NRXN3: variants seen among roughly 807,000 people sequenced by gnomAD.
The protein encoded by NRXN3 is neurexin III.
Under a neutral mutation model 137.6 loss-of-function variants are expected in NRXN3, and 32 were observed. That is an observed-to-expected ratio of 0.23 (90% CI 0.18 to 0.31). NRXN3 has a LOEUF of 0.31. Among genes scored for constraint, NRXN3 ranks in the 10% least tolerant of loss-of-function variants. The probability of loss-of-function intolerance (pLI) is 1.00; values close to 1 mark genes in which losing one functional copy is unlikely to be tolerated. For synonymous variants in NRXN3, 798 were observed against 784.5 expected (o/e 1.02, Z -0.29); for missense variants, 1,574 against 2,062.5 (o/e 0.76, Z 4.59).
At chr14:79,609,969 G>A (rs1305567744) in intron 16 of NRXN3, among the ~76,000 whole-genome samples, 1 of 151,908 alleles carries the variant, frequency 6.6e-6, no homozygotes, top group Non-Finnish European at 1.5e-5. Flanking sequence ...GTTGGGGGAG[G>A]GATAGCATTA....
intron 20 of NRXN3, among the ~76,000 whole-genome samples, chr14:79,849,069 A>G (rs1298833318): frequency 6.6e-6 from 1 of 152,160 alleles, no homozygotes; most frequent in African/African-American, 2.4e-5. Flanking sequence ...CCAGTCAAGA[A>G]GTCCTGTTGA....
chr14:79,204,747 C>T (rs1375942872), intron 15 of NRXN3, among the ~76,000 whole-genome samples: 37 of 152,172 alleles, frequency 2.4e-4, no homozygotes, highest in Admixed American at 2.4e-3. Context: ...CTCCTGATTG[C>T]TTCCCCTGGC....
At position 79,432,939 on chromosome 14, in the gene NRXN3, A is replaced by T. The variant is rs371701926; in HGVS notation, c.3263-34282A>T. Among the ~76,000 whole-genome samples the T allele has an allele frequency of 1.1e-4, 16 of 152,264 alleles. 1 individual carries two copies. The South Asian group carries it at 3.1e-3, about 30-fold the overall frequency. Reference sequence around the variant, plus strand: ...CTGAGGGTGAGGGGACTGTCAGAAGATGTGTGTCTTGGGTGCCTGAATAAT... The same window carrying T: ...CTGAGGGTGAGGGGACTGTCAGAAGTTGTGTGTCTTGGGTGCCTGAATAAT... On this transcript the variant is annotated intron_variant, in intron 15 of 20. Coordinates refer to ENST00000335750, the MANE Select transcript of NRXN3 (RefSeq NM_001330195.2).
At chr14:79,610,014 G>A (rs1456301860) in intron 16 of NRXN3, among the ~76,000 whole-genome samples, 1 of 152,032 alleles carries the variant, frequency 6.6e-6, no homozygotes. Flanking sequence ...GGGTTGATGG[G>A]TGCAGCAAAC....
At chr14:78,379,221 T>G (rs1406080608) in intron 4 of NRXN3, among the ~76,000 whole-genome samples, 1 of 152,156 alleles carries the variant, frequency 6.6e-6, no homozygotes, top group Non-Finnish European at 1.5e-5. Flanking sequence ...TATAAGCTCT[T>G]CTAGAAAATA....
At chr14:79,339,675 A>G (rs2092485779) in intron 15 of NRXN3, among the ~76,000 whole-genome samples, 1 of 152,182 alleles carries the variant, frequency 6.6e-6, no homozygotes, top group African/African-American at 2.4e-5. Context: ...AGTTTGAGGA[A>G]CACTGATCTA....
chr14:78,771,139 A>G (rs909077705), intron 8 of NRXN3, among the ~76,000 whole-genome samples: 11 of 152,336 alleles, frequency 7.2e-5, no homozygotes, highest in African/African-American at 2.6e-4. Context: ...GGCACCGCTG[A>G]GCAAGACCAG....
At chr14:79,133,499 ACT>A (rs2057833537) in intron 15 of NRXN3, among the ~76,000 whole-genome samples, 1 of 152,014 alleles carries the variant, frequency 6.6e-6, no homozygotes, top group African/African-American at 2.4e-5. Context: ...TTTCTGCTTA[ACT>A]CTCATTACTA....
At chr14:79,194,201 G>T (rs2064822726) in intron 15 of NRXN3, among the ~76,000 whole-genome samples, 1 of 152,104 alleles carries the variant, frequency 6.6e-6, no homozygotes, top group Admixed American at 6.6e-5. Context: ...ATTTTCCCAG[G>T]ATTCCTCTCA....
intron 10 of NRXN3, among the ~76,000 whole-genome samples, chr14:78,908,956 ATTCATCTTG>A (rs1252523270): frequency 6.6e-6 from 1 of 152,164 alleles, no homozygotes; most frequent in African/African-American, 2.4e-5. Context: ...TGAAGAAAAC[ATTCATCTTG>A]TTCATTTCCT....
intron 8 of NRXN3, among the ~76,000 whole-genome samples, chr14:78,772,112 C>G (rs1364507801): frequency 1.3e-5 from 2 of 152,150 alleles, no homozygotes; most frequent in Non-Finnish European, 2.9e-5. Context: ...CTTGTGGCAT[C>G]ATGTCAGTGC....
chr14:78,972,160 T>C (rs1371099992), intron 14 of NRXN3, among the ~76,000 whole-genome samples: 1 of 152,180 alleles, frequency 6.6e-6, no homozygotes, highest in Non-Finnish European at 1.5e-5. Context: ...TGTATCTTCC[T>C]ATATTGAGGC....
At chr14:78,820,236 A>AT (rs1443386251) in intron 10 of NRXN3, among the ~76,000 whole-genome samples, 1 of 148,400 alleles carries the variant, frequency 6.7e-6, no homozygotes, top group African/African-American at 2.4e-5. Flanking sequence ...TAAAGTACAT[A>AT]TATACATATA....
intron 10 of NRXN3, among the ~76,000 whole-genome samples, chr14:78,842,461 A>C (rs1465837080): frequency 6.6e-6 from 1 of 152,080 alleles, no homozygotes; most frequent in Non-Finnish European, 1.5e-5. Context: ...CACATGCTTC[A>C]CAAGGTAATA....
chr14:78,365,347 C>T (rs749717321), intron 4 of NRXN3, among the ~76,000 whole-genome samples: 4 of 152,170 alleles, frequency 2.6e-5, no homozygotes, highest in Non-Finnish European at 5.9e-5. Context: ...TTGTTGCTCA[C>T]ATCTTGACCC....
At chr14:78,937,668 G>C (rs1452458949) in intron 10 of NRXN3, among the ~76,000 whole-genome samples, 1 of 152,180 alleles carries the variant, frequency 6.6e-6, no homozygotes, top group Non-Finnish European at 1.5e-5. Context: ...CTTTGAAATG[G>C]AAGATATCAC....
chr14:79,767,423 C>T (rs1283606593), intron 19 of NRXN3, among the ~76,000 whole-genome samples: 2 of 152,206 alleles, frequency 1.3e-5, no homozygotes, highest in Admixed American at 6.5e-5. Context: ...TCCCTGAGTT[C>T]CCTGACCATG....
intron 19 of NRXN3, among the ~76,000 whole-genome samples, chr14:79,793,075 A>G (rs2099150296): frequency 6.6e-6 from 1 of 152,130 alleles, no homozygotes; most frequent in Non-Finnish European, 1.5e-5. Flanking sequence ...TAAAAGAGCC[A>G]CACCAATACA....
chr14:79,063,498 G>A (rs1406636586), intron 15 of NRXN3, among the ~76,000 whole-genome samples: 1 of 152,062 alleles, frequency 6.6e-6, no homozygotes, highest in Admixed American at 6.6e-5. Context: ...TGGTCAGGCT[G>A]GTCTCGAACT....
Sources: allele counts gnomAD v4.1 joint callset (sites outside exome capture counted in the v4.1 genomes callset), GRCh38; gene constraint gnomAD v4.1.1; transcripts MANE v1.5; gene names NCBI Gene and HGNC (gene_info 2026-07-23, HGNC 2026-07-21).